CERS6: variants seen among roughly 807,000 people sequenced by gnomAD.
CERS6 encodes the protein ceramide synthase 6, also known as LAG1 homolog, ceramide synthase 6.
Under a neutral mutation model 56.8 loss-of-function variants are expected in CERS6, and 26 were observed. That is an observed-to-expected ratio of 0.46 (90% confidence interval 0.34 to 0.63). The LOEUF (loss-of-function observed/expected upper bound fraction) is 0.63, where lower values mean the gene tolerates loss of function less well. CERS6 is among the 30% of genes least tolerant of loss of function. CERS6 has a pLI of 0.01. For missense variants in CERS6, 415 were observed against 467.5 expected (o/e 0.89, Z 1.04); for synonymous variants, 164 against 173.3 (o/e 0.95, Z 0.42).
At chr2:168,496,225 C>T (rs180739959) in intron 1 of CERS6, among the ~76,000 whole-genome samples, 1 of 152,228 alleles carries the variant, frequency 6.6e-6, no homozygotes, top group East Asian at 1.9e-4. Context: ...TCTTCCTATA[C>T]AAAGACTGTT....
intron 6 of CERS6, among the ~76,000 whole-genome samples, chr2:168,709,938 A>T (rs1687048911): frequency 6.6e-6 from 1 of 152,190 alleles, no homozygotes; most frequent in African/African-American, 2.4e-5. Flanking sequence ...TATTAAAGGT[A>T]TTTTATTATG....
chr2:168,687,774 T>C (rs952694001), intron 4 of CERS6, among the ~76,000 whole-genome samples: 6 of 152,212 alleles, frequency 3.9e-5, no homozygotes. Flanking sequence ...CAATCATGGC[T>C]TATTGCAGCC....
At chr2:168,553,193 A>G (rs1695609113) in intron 2 of CERS6, among the ~76,000 whole-genome samples, 1 of 152,162 alleles carries the variant, frequency 6.6e-6, no homozygotes, top group African/African-American at 2.4e-5. Flanking sequence ...ACTGAATTAA[A>G]TGAAAGAAAC....
chr2:168,674,194 T>C (rs1330258681), intron 4 of CERS6, among the ~76,000 whole-genome samples: 3 of 152,202 alleles, frequency 2.0e-5, no homozygotes, highest in Admixed American at 6.5e-5. Flanking sequence ...TTTTCAACCT[T>C]TTCCTATATA....
rs149032519 is a variant in CERS6 at position 168,506,727 on chromosome 2, G to T, written c.171-40869G>T. On this transcript the variant is annotated intron_variant, in intron 1 of 9. Transcript: ENST00000305747. ...AGAATCTGATTGGCAGGCTAGAGAT[G>T]TAGTAACTTTCACAAGCAGTAAAGC... Among the ~76,000 whole-genome samples the T allele has an allele frequency of 2.8e-4, 42 of 152,264 alleles. 1 individual carries two copies. The East Asian group carries it at 7.7e-3, about 28-fold the overall frequency.
At chr2:168,719,915 T>A (rs888301135) in intron 8 of CERS6, among the ~76,000 whole-genome samples, 3 of 152,058 alleles carry the variant, frequency 2.0e-5, no homozygotes, top group Admixed American at 6.5e-5. Flanking sequence ...AAATAACATA[T>A]TTAACTCAGT....
intron 8 of CERS6, among the ~76,000 whole-genome samples, chr2:168,760,804 G>GC (rs1241134344): frequency 4.0e-5 from 6 of 151,732 alleles, no homozygotes; most frequent in Admixed American, 6.6e-5. Flanking sequence ...CGCCCAGGCT[G>GC]GAGTGCAGTG....
At chr2:168,600,768 T>C (rs569782600) in intron 3 of CERS6, among the ~76,000 whole-genome samples, 1 of 152,358 alleles carries the variant, frequency 6.6e-6, no homozygotes, top group East Asian at 1.9e-4. Flanking sequence ...TTCCATTTCC[T>C]ATGGTATCTA....
chr2:168,634,017 C>A (rs1333977367), intron 4 of CERS6, among the ~76,000 whole-genome samples: 2 of 152,174 alleles, frequency 1.3e-5, no homozygotes, highest in African/African-American at 4.8e-5. Flanking sequence ...CGGTTTTCTT[C>A]TGTCTTTAGG....
chr2:168,573,933 G>C (rs1003263035), intron 3 of CERS6, among the ~76,000 whole-genome samples: 14 of 152,190 alleles, frequency 9.2e-5, no homozygotes, highest in African/African-American at 3.4e-4. Flanking sequence ...TTTATGAGAA[G>C]GTAGGAAGGG....
In CERS6 at chr2:168,474,725, T is replaced by C. The variant is rs115764679; in HGVS notation, c.170+18107T>C. Among the ~76,000 whole-genome samples, 1,183 of 152,318 alleles carry C rather than the reference T, an allele frequency of 7.8e-3. 21 individuals carry two copies. The highest frequency in any genetic ancestry group is 0.027 in the African/African-American group (1,136 of 41,572). ...AGTTTATACTTTGAACTTTGCAACATCTATTGCAAACATTTATTTAACAAA... is the reference window on the plus strand; with the variant it reads ...AGTTTATACTTTGAACTTTGCAACACCTATTGCAAACATTTATTTAACAAA... On this transcript the variant is annotated intron_variant, in intron 1 of 9. Coordinates refer to ENST00000305747, the MANE Select transcript of CERS6 (RefSeq NM_203463.3).
At chr2:168,609,603 C>A (rs1176770278) in intron 3 of CERS6, among the ~76,000 whole-genome samples, 1 of 152,210 alleles carries the variant, frequency 6.6e-6, no homozygotes, top group Non-Finnish European at 1.5e-5. Context: ...GACCTTCATA[C>A]CTTTAATGAC....
In CERS6 at chr2:168,727,469, A is replaced by G. The variant is rs370525724; in HGVS notation, c.845+9491A>G. On this transcript the variant is annotated intron_variant, in intron 8 of 9. Transcript: ENST00000305747. Reference sequence around the variant, plus strand: ...GAGGCTGAGGCAGGAGAATCACTAGAACCTGGGAGGCGAAGGTTGCAGTGA... The same window carrying G: ...GAGGCTGAGGCAGGAGAATCACTAGGACCTGGGAGGCGAAGGTTGCAGTGA... Among the ~76,000 whole-genome samples the G allele has an allele frequency of 4.0e-5, 6 of 151,862 alleles. No homozygotes were observed. In the East Asian group the frequency reaches 5.8e-4, roughly 15 times the overall value.
chr2:168,733,758 G>T lies in CERS6; in HGVS notation c.845+15780G>T, dbSNP rs1463493763. On this transcript the variant is annotated intron_variant, in intron 8 of 9. Transcript: ENST00000305747. ...CTGGAAACATGATGATGGTAGAGGAGCAGGTAAAGGTTGACAAGGGTCTTG... is the reference window on the plus strand; with the variant it reads ...CTGGAAACATGATGATGGTAGAGGATCAGGTAAAGGTTGACAAGGGTCTTG... Among the ~76,000 whole-genome samples the T allele has an allele frequency of 2.0e-5, 3 of 152,208 alleles. No homozygotes were observed. In the East Asian group the frequency reaches 5.8e-4, roughly 29 times the overall value.
intron 1 of CERS6, among the ~76,000 whole-genome samples, chr2:168,490,221 T>C (rs769219139): frequency 2.6e-5 from 4 of 152,206 alleles, no homozygotes; most frequent in Admixed American, 2.6e-4. Context: ...GGAATTGTGC[T>C]GATTCATGTT....
At chr2:168,499,821 C>T (rs6712374) in intron 1 of CERS6, among the ~76,000 whole-genome samples, 140,671 of 152,202 alleles carry the variant, frequency 0.92, 65,386 homozygotes, top group Non-Finnish European at 0.98. Flanking sequence ...ACCCCGTAAC[C>T]GGGAACTGCT....
chr2:168,494,578 T>C (rs1303744752), intron 1 of CERS6, among the ~76,000 whole-genome samples: 1 of 152,194 alleles, frequency 6.6e-6, no homozygotes, highest in East Asian at 1.9e-4. Flanking sequence ...GTCAGCCCTT[T>C]CCAGTGAGCT....
intron 1 of CERS6, among the ~76,000 whole-genome samples, chr2:168,535,231 G>A (rs1695238702): frequency 6.6e-6 from 1 of 152,192 alleles, no homozygotes; most frequent in Non-Finnish European, 1.5e-5. Context: ...CTGTGGTGCT[G>A]GTCACCCTTC....
chr2:168,758,628 A>G (rs895687367), intron 8 of CERS6, among the ~76,000 whole-genome samples: 14 of 152,182 alleles, frequency 9.2e-5, no homozygotes, highest in African/African-American at 3.4e-4. Context: ...TATTACCATT[A>G]TGTGCTGCTG....
Sources: gnomAD v4.1 joint callset for allele counts (sites outside exome capture counted in the v4.1 genomes callset) on GRCh38, gnomAD v4.1.1 for gene constraint, MANE v1.5 for transcripts, NCBI Gene and HGNC (gene_info 2026-07-23, HGNC 2026-07-21) for gene names.